Variants in SGCZ observed in about 807,000 individuals in gnomAD.
SGCZ encodes sarcoglycan zeta, also known as zeta-sarcoglycan.
SGCZ carries 40 observed loss-of-function variants against 41.3 expected under a neutral mutation model. That is an observed-to-expected ratio of 0.97 (90% CI 0.75 to 1.26). The LOEUF (loss-of-function observed/expected upper bound fraction) is 1.26, where lower values mean the gene tolerates loss of function less well. SGCZ is among the 50% of genes most tolerant of loss of function. SGCZ has a pLI of 0.00. For missense variants in SGCZ, 552 were observed against 369.8 expected (o/e 1.49, Z -4.04); for synonymous variants, 206 against 137.5 (o/e 1.50, Z -3.49).
intron 2 of SGCZ, among the ~76,000 whole-genome samples, chr8:14,410,400 G>GAAA (rs112663668): frequency 0.042 from 6,158 of 145,708 alleles, 168 homozygotes; most frequent in Middle Eastern, 0.077. Context: ...AATAATTTAA[G>GAAA]AAAAAAAAAA....
Position 14,298,327 on chromosome 8 carries a change from A to T in SGCZ, c.336+25776T>A, listed in dbSNP as rs181167216. Among the ~76,000 whole-genome samples, 651 of 152,086 alleles carry T rather than the reference A, an allele frequency of 4.3e-3. 1 individual carries two copies. The highest frequency in any genetic ancestry group is 5.8e-3 in the Non-Finnish European group (391 of 67,878). ...AAAGATATCTTCTCTTGTCATTCCT[A>T]TTCAATATTGTAGTCAGGCCTCACC... On this transcript the variant is annotated intron_variant, in intron 3 of 7. Coordinates refer to ENST00000382080, the MANE Select transcript of SGCZ (RefSeq NM_139167.4).
intron 6 of SGCZ, 77 bp from the exon 7 acceptor site, chr8:14,102,576 A>ATAAAC (rs1208111001): frequency 3.3e-6 from 4 of 1,217,956 alleles, no homozygotes; most frequent in Non-Finnish European, 2.1e-6. Context: ...AAAATTTTTG[A>ATAAAC]TAAACTAGAA....
At chr8:14,482,263 T>C (rs543567133) in intron 2 of SGCZ, among the ~76,000 whole-genome samples, 1 of 152,312 alleles carries the variant, frequency 6.6e-6, no homozygotes, top group Middle Eastern at 3.4e-3. Flanking sequence ...GGTTCATCTC[T>C]GCCTCTCAAG....
At chr8:14,498,893 C>A (rs1039688084) in intron 2 of SGCZ, among the ~76,000 whole-genome samples, 3 of 151,370 alleles carry the variant, frequency 2.0e-5, no homozygotes, top group African/African-American at 7.3e-5. Flanking sequence ...CAGGACATTT[C>A]GATGTCTTAG....
intron 1 of SGCZ, among the ~76,000 whole-genome samples, chr8:14,848,240 T>A (rs1312610036): frequency 6.6e-6 from 1 of 152,160 alleles, no homozygotes; most frequent in Non-Finnish European, 1.5e-5. Context: ...ATAGCTGGTG[T>A]TAATGGGTAG....
At chr8:14,389,868 C>A (rs956210706) in intron 2 of SGCZ, among the ~76,000 whole-genome samples, 1 of 151,848 alleles carries the variant, frequency 6.6e-6, no homozygotes, top group Non-Finnish European at 1.5e-5. Context: ...TGCCTAAAGC[C>A]ATATGAAACT....
At chr8:14,551,066 A>C (rs1803792495) in intron 2 of SGCZ, among the ~76,000 whole-genome samples, 1 of 150,892 alleles carries the variant, frequency 6.6e-6, no homozygotes, top group Admixed American at 6.6e-5. Context: ...CACAGCATTA[A>C]TGAATTTGCT....
intron 1 of SGCZ, among the ~76,000 whole-genome samples, chr8:14,929,255 T>C (rs1201045151): frequency 6.6e-6 from 1 of 152,158 alleles, no homozygotes; most frequent in Non-Finnish European, 1.5e-5. Flanking sequence ...CCTCCCAAAG[T>C]ACTGGGATTA....
chr8:14,540,231 T>TTTTTTTTTTTTTTTTTTTTTA, intron 2 of SGCZ, among the ~76,000 whole-genome samples: 1 of 147,454 alleles, frequency 6.8e-6, no homozygotes, highest in Non-Finnish European at 1.5e-5. Context: ...TTTTTTTTTT[T>TTTTTTTTTTTTTTTTTTTTTA]TTTTTTTTTT....
Position 14,182,491 on chromosome 8 carries a change from C to T in SGCZ, c.425-17789G>A, listed in dbSNP as rs534947687. Among the ~76,000 whole-genome samples the T allele has an allele frequency of 1.8e-4, 28 of 152,222 alleles. 2 individuals are homozygous for T. The South Asian group carries it at 5.8e-3, about 32-fold the overall frequency. ...CATCCAGGAGTGCCCTGTATGGAAGCCTTACTCATCTACTCATCCAGCTGG... is the reference window on the plus strand; with the variant it reads ...CATCCAGGAGTGCCCTGTATGGAAGTCTTACTCATCTACTCATCCAGCTGG... On this transcript the variant is annotated intron_variant, in intron 4 of 7. Coordinates refer to ENST00000382080, the MANE Select transcript of SGCZ (RefSeq NM_139167.4).
chr8:14,602,156 A>G (rs1368426753), intron 1 of SGCZ, among the ~76,000 whole-genome samples: 1 of 152,108 alleles, frequency 6.6e-6, no homozygotes, highest in Admixed American at 6.6e-5. Flanking sequence ...AAAATAAAAA[A>G]GTATGATGTG....
chr8:14,491,460 G>C (rs761313259), intron 2 of SGCZ, among the ~76,000 whole-genome samples: 1 of 152,080 alleles, frequency 6.6e-6, no homozygotes, highest in Non-Finnish European at 1.5e-5. Context: ...ACTAGTGGTT[G>C]GACACTATTT....
At chr8:14,708,455 G>C (rs1482938671) in intron 1 of SGCZ, among the ~76,000 whole-genome samples, 15 of 150,840 alleles carry the variant, frequency 9.9e-5, no homozygotes, top group Admixed American at 2.6e-4. Flanking sequence ...TAATCATTTG[G>C]ATATTTTTGA....
intron 1 of SGCZ, among the ~76,000 whole-genome samples, chr8:14,698,612 TGC>T: frequency 6.6e-6 from 1 of 152,066 alleles, no homozygotes; most frequent in African/African-American, 2.4e-5. Flanking sequence ...GCATGTTTTC[TGC>T]ATTTAGCATA....
At chr8:14,456,204 T>C (rs1194663296) in intron 2 of SGCZ, among the ~76,000 whole-genome samples, 1 of 151,778 alleles carries the variant, frequency 6.6e-6, no homozygotes, top group African/African-American at 2.4e-5. Context: ...AGGTCAGGAG[T>C]TTGAGACCAT....
chr8:15,033,657 T>A (rs1803768672), intron 1 of SGCZ, among the ~76,000 whole-genome samples: 1 of 152,044 alleles, frequency 6.6e-6, no homozygotes, highest in Non-Finnish European at 1.5e-5. Flanking sequence ...TCCAGACGCA[T>A]CCCAGTGGAC....
At chr8:14,411,585 C>A (rs4269546) in intron 2 of SGCZ, among the ~76,000 whole-genome samples, 48,064 of 151,864 alleles carry the variant, frequency 0.32, 7,722 homozygotes, top group Admixed American at 0.36. Context: ...CCTCCCCAAA[C>A]CTCTAGGCTT....
At chr8:14,890,292 G>T (rs1804964747) in intron 1 of SGCZ, among the ~76,000 whole-genome samples, 1 of 151,754 alleles carries the variant, frequency 6.6e-6, no homozygotes, top group Non-Finnish European at 1.5e-5. Context: ...CGAAAGGAAG[G>T]AAAGAAACGA....
intron 1 of SGCZ, among the ~76,000 whole-genome samples, chr8:14,975,630 G>C (rs1444488203): frequency 6.6e-6 from 1 of 151,996 alleles, no homozygotes; most frequent in Non-Finnish European, 1.5e-5. Context: ...AGTATGCTTT[G>C]TAACCTAATA....
Sources: allele counts gnomAD v4.1 joint callset (sites outside exome capture counted in the v4.1 genomes callset), GRCh38; gene constraint gnomAD v4.1.1; transcripts MANE v1.5; gene names NCBI Gene and HGNC (gene_info 2026-07-23, HGNC 2026-07-21).